ATG4C: variants seen among roughly 807,000 people sequenced by gnomAD.
ATG4C encodes autophagy related 4C cysteine peptidase.
Under a neutral mutation model 57.6 loss-of-function variants are expected in ATG4C, and 56 were observed. The ratio of observed to expected loss-of-function variants is 0.97; its 90% CI spans 0.78 to 1.21. ATG4C has a LOEUF of 1.21. Among genes scored for constraint, ATG4C ranks in the 50% most tolerant of loss-of-function variants. ATG4C has a pLI of 0.00. For synonymous variants in ATG4C, 157 were observed against 174.1 expected, an observed-to-expected ratio of 0.90 and a Z score of 0.78; for missense variants, 595 against 529.8, an observed-to-expected ratio of 1.12 and a Z score of -1.21.
At chr1:62,797,893 C>T (rs1664525385) in intron 1 of ATG4C, among the ~76,000 whole-genome samples, 1 of 152,162 alleles carries the variant, frequency 6.6e-6, no homozygotes, top group Non-Finnish European at 1.5e-5. Flanking sequence ...AATCTCAGCT[C>T]ACTGCAACCT....
chr1:62,808,516 G>A (rs1038241166), intron 3 of ATG4C, among the ~76,000 whole-genome samples: 9 of 152,082 alleles, frequency 5.9e-5, no homozygotes, highest in African/African-American at 2.2e-4. Context: ...AGTATAGGTG[G>A]AAAATATCTA....
intron 3 of ATG4C, among the ~76,000 whole-genome samples, chr1:62,810,091 G>A (rs186996844): frequency 7.2e-5 from 11 of 152,264 alleles, no homozygotes; most frequent in Admixed American, 7.2e-4. Flanking sequence ...CTCCATATGT[G>A]TGGAAAACAC....
chr1:62,825,117 T>C (rs1665605315), intron 6 of ATG4C, among the ~76,000 whole-genome samples: 1 of 151,738 alleles, frequency 6.6e-6, no homozygotes, highest in Non-Finnish European at 1.5e-5. Context: ...GTATCTGTAG[T>C]CCCAGCTACT....
chr1:62,840,487 CTT>C (rs1666134261), intron 9 of ATG4C, among the ~76,000 whole-genome samples: 1 of 152,074 alleles, frequency 6.6e-6, no homozygotes, highest in Non-Finnish European at 1.5e-5. Context: ...TTAACACAAA[CTT>C]ATTTTTTCTA....
At chr1:62,818,250 G>A (rs556398255) in intron 4 of ATG4C, among the ~76,000 whole-genome samples, 5 of 152,134 alleles carry the variant, frequency 3.3e-5, no homozygotes, top group East Asian at 3.9e-4. Context: ...CTGAAGAAAC[G>A]TACAGGAAAA....
intron 10 of ATG4C, among the ~76,000 whole-genome samples, chr1:62,858,213 T>G (rs747492367): frequency 2.6e-5 from 4 of 152,252 alleles, no homozygotes; most frequent in Non-Finnish European, 5.9e-5. Flanking sequence ...AAATCATTCC[T>G]AATTAATGTA....
intron 3 of ATG4C, among the ~76,000 whole-genome samples, chr1:62,809,812 C>T (rs746876055): frequency 2.0e-5 from 3 of 151,498 alleles, no homozygotes; most frequent in African/African-American, 4.8e-5. Flanking sequence ...TGGCCAAATA[C>T]AAGAAAATGC....
At chr1:62,795,201 A>C (rs1664421868) in intron 1 of ATG4C, among the ~76,000 whole-genome samples, 1 of 152,214 alleles carries the variant, frequency 6.6e-6, no homozygotes. Context: ...TTGGCCTTAA[A>C]TCCTCAGTGG....
chr1:62,855,190 G>C (rs1195183587), intron 10 of ATG4C, among the ~76,000 whole-genome samples: 1 of 152,036 alleles, frequency 6.6e-6, no homozygotes, highest in Non-Finnish European at 1.5e-5. Context: ...TGGCCGTTCT[G>C]TACTGTTGCT....
At chr1:62,806,642 GAGAA>G (rs1664888865) in intron 3 of ATG4C, among the ~76,000 whole-genome samples, 4 of 152,170 alleles carry the variant, frequency 2.6e-5, no homozygotes, top group Non-Finnish European at 5.9e-5. Context: ...TATAGGAAAG[GAGAA>G]AGGTGTGGGA....
rs752098724 is a variant in ATG4C at position 62,834,088 on chromosome 1, A to G, written c.984A>G (p.Lys328=). Residue 328 remains lysine, a synonymous_variant, in exon 8 of 11, where the codon AAA becomes AAG. Coordinates refer to ENST00000317868, the MANE Select transcript of ATG4C (RefSeq NM_032852.4). ...YCVGIIGGKP[K]QSYYFAGFQD... ...TGGGTATTATTGGTGGCAAACCTAA[A>G]CAGTCATATTACTTTGCTGGATTTC... is the stretch of plus-strand genomic sequence containing the variant. 1.9e-6 allele frequency: 3 copies of G among 1,612,842 alleles called. No individual in the cohort carries two copies. In the African/African-American group the frequency reaches 4.0e-5, roughly 22 times the overall value.
intron 6 of ATG4C, among the ~76,000 whole-genome samples, chr1:62,822,274 C>T (rs1020696234): frequency 1.3e-5 from 2 of 151,994 alleles, no homozygotes; most frequent in African/African-American, 2.4e-5. Context: ...AATATTCATG[C>T]GTTTTTGTTT....
chr1:62,834,039 G>C lies in ATG4C; in HGVS notation c.935G>C (p.Gly312Ala). The change falls in exon 8 of 11, where the codon GGT becomes GCT. Residue 312 changes from glycine (G) to alanine (A), a missense_variant and splice_region_variant. Gly to Ala is a moderately conservative substitution (Grantham distance 60). Coordinates refer to ENST00000317868, the MANE Select transcript of ATG4C (RefSeq NM_032852.4). ...ATCTGTATTAATTTTTTTTGGCAGG[G>C]TATTTTAAGCCTGGAATATTGTGTG... Reference protein sequence around the residue: ...TNTDYLEFVKGILSLEYCVGI... With the variant: ...TNTDYLEFVKAILSLEYCVGI... 1 of 1,609,430 alleles carries C rather than the reference G, an allele frequency of 6.2e-7. No homozygotes were observed. Among genetic ancestry groups the C allele is most frequent in the South Asian group, 1.1e-5 (1 of 90,144 alleles).
intron 10 of ATG4C, among the ~76,000 whole-genome samples, chr1:62,859,900 A>C (rs981241467): frequency 6.6e-6 from 1 of 152,028 alleles, no homozygotes; most frequent in African/African-American, 2.4e-5. Flanking sequence ...TCACCATCTT[A>C]CTGTAACTTT....
chr1:62,812,825 T>C (rs1029081467), intron 3 of ATG4C, among the ~76,000 whole-genome samples: 2 of 152,068 alleles, frequency 1.3e-5, no homozygotes, highest in African/African-American at 4.8e-5. Context: ...TATATACCAG[T>C]GATAGACAAA....
In ATG4C at chr1:62,829,557, A is replaced by G. The variant is rs144827964; in HGVS notation, c.933+381A>G. ...ATTGAAAAAACTCTCTATTACTGCTATGTTATCTCATAATATGTTTCCTGT... is the reference window on the plus strand; with the variant it reads ...ATTGAAAAAACTCTCTATTACTGCTGTGTTATCTCATAATATGTTTCCTGT... On this transcript the variant is annotated intron_variant, in intron 7 of 10. Transcript: ENST00000317868. Among the ~76,000 whole-genome samples the G allele has an allele frequency of 2.6e-3, 403 of 152,220 alleles. 2 individuals carry two copies. The highest frequency in any genetic ancestry group is 8.5e-3 in the East Asian group (44 of 5,180).
chr1:62,859,577 G>A (rs1468572038), intron 10 of ATG4C, among the ~76,000 whole-genome samples: 1 of 152,174 alleles, frequency 6.6e-6, no homozygotes, highest in Admixed American at 6.5e-5. Flanking sequence ...GTGAGTGAAT[G>A]TGAAGGCCTA....
chr1:62,802,359 C>G (rs1664707787), intron 1 of ATG4C, among the ~76,000 whole-genome samples: 1 of 151,846 alleles, frequency 6.6e-6, no homozygotes, highest in South Asian at 2.1e-4. Context: ...TCTGTAACCT[C>G]TTGAGTGCCA....
intron 7 of ATG4C, among the ~76,000 whole-genome samples, chr1:62,831,414 G>A (rs1351203496): frequency 6.6e-6 from 1 of 152,052 alleles, no homozygotes; most frequent in Non-Finnish European, 1.5e-5. Context: ...AAAATGTACT[G>A]TTCAGTTCTA....
Sources: allele counts gnomAD v4.1 joint callset (sites outside exome capture counted in the v4.1 genomes callset), GRCh38; gene constraint gnomAD v4.1.1; transcripts MANE v1.5; gene names NCBI Gene and HGNC (gene_info 2026-07-23, HGNC 2026-07-21).